METTL25: variants seen among roughly 807,000 people sequenced by gnomAD.
METTL25 encodes the protein probable methyltransferase-like protein 25.
A neutral mutation model predicts 71.6 loss-of-function variants in METTL25; 64 were observed. That is an observed-to-expected ratio of 0.89 (90% CI 0.73 to 1.10). The LOEUF (loss-of-function observed/expected upper bound fraction) is 1.10. Ranked by LOEUF, METTL25 falls within the 50% of genes least tolerant of loss-of-function variation. The pLI, the probability that METTL25 is intolerant of heterozygous loss-of-function variation, is 0.00. For missense variants in METTL25, 807 were observed against 707.0 expected, an observed-to-expected ratio of 1.14 and a Z score of -1.60; for synonymous variants, 287 against 250.3, an observed-to-expected ratio of 1.15 and a Z score of -1.38.
intron 1 of METTL25, among the ~76,000 whole-genome samples, chr12:82,382,534 C>G (rs1884540678): frequency 6.6e-6 from 1 of 152,104 alleles, no homozygotes; most frequent in African/African-American, 2.4e-5. Flanking sequence ...ACAAACTGTA[C>G]TGAGGGATTG....
At chr12:82,372,619 A>C (rs1167692587) in intron 1 of METTL25, among the ~76,000 whole-genome samples, 2 of 152,110 alleles carry the variant, frequency 1.3e-5, no homozygotes, top group African/African-American at 4.8e-5. Flanking sequence ...CCCATCAGAG[A>C]GAGAATATTG....
At chr12:82,473,270 G>C (rs983142736) in intron 9 of METTL25, among the ~76,000 whole-genome samples, 1 of 152,124 alleles carries the variant, frequency 6.6e-6, no homozygotes, top group Non-Finnish European at 1.5e-5. Flanking sequence ...CTGGCTGGGA[G>C]TACATATACA....
intron 8 of METTL25, among the ~76,000 whole-genome samples, chr12:82,447,356 A>G (rs566094663): frequency 6.6e-6 from 1 of 152,320 alleles, no homozygotes; most frequent in Admixed American, 6.5e-5. Flanking sequence ...TCATTAATAG[A>G]AGAATGGATA....
At chr12:82,387,437 A>G (rs1017195574) in intron 2 of METTL25, among the ~76,000 whole-genome samples, 3 of 152,072 alleles carry the variant, frequency 2.0e-5, no homozygotes, top group African/African-American at 2.4e-5. Context: ...CCATATCTAT[A>G]ATAATATTCA....
In METTL25 at chr12:82,476,674, G is replaced by T. The variant is rs751412068; in HGVS notation, c.1603G>T (p.Glu535Ter). 1.2e-6 allele frequency: 2 copies of T among 1,600,788 alleles called. No individual in the cohort carries two copies. Among genetic ancestry groups the T allele is most frequent in the Non-Finnish European group, 1.7e-6 (2 of 1,173,976 alleles). ...LPEKIIMNYYEKYKPRMNELE... is the reference protein window; with the variant it reads ...LPEKIIMNYY ...AGAAAAAATTATAATGAACTACTAC[G>T]AGAAGTATAAGCCTCGAATGAATGA... The change falls in exon 10 of 12, where the codon GAG (glutamate) becomes TAG (stop). Residue 535 changes from glutamate to a stop codon, truncating the protein, a stop_gained. Transcript: ENST00000248306. LOFTEE classifies it high-confidence loss of function.
At chr12:82,380,321 G>A (rs1006822030) in intron 1 of METTL25, among the ~76,000 whole-genome samples, 1 of 151,988 alleles carries the variant, frequency 6.6e-6, no homozygotes, top group African/African-American at 2.4e-5. Context: ...TTATGGTTGC[G>A]TAGTATTCCA....
chr12:82,426,223 G>C (rs1888998331), intron 5 of METTL25, among the ~76,000 whole-genome samples: 1 of 152,010 alleles, frequency 6.6e-6, no homozygotes, highest in African/African-American at 2.4e-5. Context: ...AGGGTTTGCT[G>C]CCTCCTTATC....
intron 9 of METTL25, among the ~76,000 whole-genome samples, chr12:82,460,162 T>A (rs1245907787): frequency 6.6e-6 from 1 of 152,202 alleles, no homozygotes. Context: ...TGTAATCCAC[T>A]CATCCAACCC....
chr12:82,440,475 T>C (rs1890235407), intron 8 of METTL25, among the ~76,000 whole-genome samples: 1 of 152,098 alleles, frequency 6.6e-6, no homozygotes, highest in Admixed American at 6.6e-5. Context: ...ACATGACCGT[T>C]ATCAAACATT....
chr12:82,409,968 CTG>C (rs1401934902), intron 5 of METTL25, among the ~76,000 whole-genome samples: 1 of 149,526 alleles, frequency 6.7e-6, no homozygotes, highest in East Asian at 2.0e-4. Flanking sequence ...TGTATCATCT[CTG>C]GAAATTGTGA....
At chr12:82,423,922 T>A (rs2137115960) in intron 5 of METTL25, among the ~76,000 whole-genome samples, 1 of 152,260 alleles carries the variant, frequency 6.6e-6, no homozygotes, top group South Asian at 2.1e-4. Context: ...ATAGGAACAC[T>A]TTTACACTGT....
At chr12:82,377,768 T>C (rs113034752) in intron 1 of METTL25, among the ~76,000 whole-genome samples, 23 of 152,326 alleles carry the variant, frequency 1.5e-4, no homozygotes, top group African/African-American at 4.6e-4. Context: ...GATAGTAATG[T>C]TAATATCTTA....
intron 3 of METTL25, among the ~76,000 whole-genome samples, chr12:82,390,889 G>A (rs1885512591): frequency 1.3e-5 from 2 of 152,072 alleles, no homozygotes; most frequent in African/African-American, 4.8e-5. Context: ...AGCGAGTGCT[G>A]TTTCTAAATA....
intron 2 of METTL25, among the ~76,000 whole-genome samples, chr12:82,388,596 A>T (rs1885270082): frequency 6.6e-6 from 1 of 152,042 alleles, no homozygotes; most frequent in Admixed American, 6.6e-5. Context: ...TTTAAGGGCC[A>T]CAGTTTGGGC....
intron 5 of METTL25, among the ~76,000 whole-genome samples, chr12:82,412,768 G>A (rs1436202450): frequency 2.0e-5 from 3 of 151,908 alleles, no homozygotes; most frequent in African/African-American, 4.8e-5. Flanking sequence ...GTCCTTTTAA[G>A]TTTGTTCCTA....
chr12:82,442,786 T>G (rs1890444941), intron 8 of METTL25, among the ~76,000 whole-genome samples: 1 of 152,104 alleles, frequency 6.6e-6, no homozygotes, highest in Non-Finnish European at 1.5e-5. Context: ...AAATTGAAAG[T>G]TTAATTTAAA....
intron 1 of METTL25, among the ~76,000 whole-genome samples, chr12:82,367,961 T>C (rs1188000474): frequency 6.6e-6 from 1 of 152,092 alleles, no homozygotes; most frequent in Non-Finnish European, 1.5e-5. Context: ...ATTTCCCCTT[T>C]TGAAAAATGG....
chr12:82,376,591 C>T (rs1316370530), intron 1 of METTL25, among the ~76,000 whole-genome samples: 1 of 152,196 alleles, frequency 6.6e-6, no homozygotes, highest in East Asian at 1.9e-4. Flanking sequence ...CAAAATTTAT[C>T]TTAGTTTACT....
chr12:82,376,744 C>CT (rs1430329709), intron 1 of METTL25, among the ~76,000 whole-genome samples: 1 of 152,192 alleles, frequency 6.6e-6, no homozygotes, highest in Non-Finnish European at 1.5e-5. Context: ...GAAGCATAAT[C>CT]TTATTGTTAA....
Sources: gnomAD v4.1 joint callset for allele counts (sites outside exome capture counted in the v4.1 genomes callset) on GRCh38, gnomAD v4.1.1 for gene constraint, MANE v1.5 for transcripts, NCBI Gene and HGNC (gene_info 2026-07-23, HGNC 2026-07-21) for gene names.